SLC2A1: variants seen among roughly 807,000 people sequenced by gnomAD.
The protein encoded by SLC2A1 is solute carrier family 2 member 1.
Under a neutral mutation model 46.6 loss-of-function variants are expected in SLC2A1, and 4 were observed. The ratio of observed to expected loss-of-function variants is 0.09; its 90% CI spans 0.04 to 0.20. The LOEUF is 0.20. SLC2A1 is among the 10% of genes least tolerant of loss of function. SLC2A1 has a pLI of 1.00. For missense variants in SLC2A1, 352 were observed against 667.0 expected, an observed-to-expected ratio of 0.53 and a Z score of 5.20; for synonymous variants, 253 against 270.0, an observed-to-expected ratio of 0.94 and a Z score of 0.62.
In SLC2A1 at chr1:42,948,937, G is replaced by A. The variant is rs184856747; in HGVS notation, c.19-5616C>T. ...AAAAAAATTAGCCCGGCATGGTGGCGCATGCCTGTAGTCCCAGCTACTCGG... is the reference window on the plus strand; with the variant it reads ...AAAAAAATTAGCCCGGCATGGTGGCACATGCCTGTAGTCCCAGCTACTCGG... On this transcript the variant is annotated intron_variant, in intron 1 of 9. Transcript: ENST00000426263. Among the ~76,000 whole-genome samples, 1,012 of 152,184 alleles carry A rather than the reference G, an allele frequency of 6.6e-3. 11 individuals carry two copies. Among genetic ancestry groups the A allele is most frequent in the African/African-American group, 0.023 (975 of 41,522 alleles).
chr1:42,933,369 CT>C (rs1451954414), intron 2 of SLC2A1, among the ~76,000 whole-genome samples: 1 of 152,150 alleles, frequency 6.6e-6, no homozygotes, highest in Non-Finnish European at 1.5e-5. Flanking sequence ...GAAGGTACCC[CT>C]GGCCTTATTG....
chr1:42,948,037 G>A (rs1643677314), intron 1 of SLC2A1, among the ~76,000 whole-genome samples: 1 of 152,190 alleles, frequency 6.6e-6, no homozygotes, highest in Non-Finnish European at 1.5e-5. Context: ...TCTCCTAGGA[G>A]AGTCATGGCC....
chr1:42,930,337 C>T lies in SLC2A1; in HGVS notation c.516+289G>A, dbSNP rs1643475202. On this transcript the variant is annotated intron_variant, in intron 4 of 9. Transcript: ENST00000426263. The surrounding 1 kb of genome is among the most constrained non-coding windows in gnomAD (Gnocchi z 6.2). ...TTTGGGGACAGGGAAGGGGAAGCCT[C>T]CTGGAGAGAGGGTACTGTGCATAAC... The T allele has an allele frequency of 1.6e-6, 1 of 636,412 alleles. No individual in the cohort carries two copies. Among genetic ancestry groups the T allele is most frequent in the East Asian group, 2.8e-5 (1 of 36,020 alleles). The allele number at this position is 636,412 out of a possible 1,614,324, so 39.4% of individuals were successfully genotyped here.
chr1:42,926,790 A>C lies in SLC2A1; in HGVS notation c.*251T>G. The C allele has an allele frequency of 6.8e-7, 1 of 1,478,076 alleles. No homozygotes were observed. The highest frequency in any genetic ancestry group is 8.9e-7 in the Non-Finnish European group (1 of 1,118,404). 91.6% of individuals were successfully genotyped at this position (1,478,076 alleles called of 1,614,324 possible). Reference sequence around the variant, plus strand: ...ACTCAGGCTGATATAAAAATAACAAAATCAGTAATAAAAAAATTATAAAAC... The same window carrying C: ...ACTCAGGCTGATATAAAAATAACAACATCAGTAATAAAAAAATTATAAAAC... On this transcript the variant is annotated 3_prime_UTR_variant, in exon 10 of 10. Coordinates refer to ENST00000426263, the MANE Select transcript of SLC2A1 (RefSeq NM_006516.4).
At position 42,956,588 on chromosome 1, in the gene SLC2A1, AAAAT is replaced by A. The variant is rs978475619; in HGVS notation, c.18+2042_18+2045del. On this transcript the variant is annotated intron_variant, in intron 1 of 9. Transcript: ENST00000426263. Reference sequence around the variant, plus strand: ...CAACAAAAGCGAAACTCCGTCTCAAAAAATAAATAAATAAAAATAAAAAAATAAA... The same window carrying A: ...CAACAAAAGCGAAACTCCGTCTCAAAAAATAAATAAAAATAAAAAAATAAA... Among the ~76,000 whole-genome samples the A allele has an allele frequency of 3.9e-5, 6 of 152,202 alleles. No individual in the cohort carries two copies. The South Asian group carries it at 8.3e-4, about 21-fold the overall frequency.
At chr1:42,935,882 G>C (rs990847108) in intron 2 of SLC2A1, among the ~76,000 whole-genome samples, 1 of 152,202 alleles carries the variant, frequency 6.6e-6, no homozygotes, top group Non-Finnish European at 1.5e-5. Context: ...TATGTAAAAG[G>C]CTAGCTAGAA....
At chr1:42,935,050 CTT>C (rs1399646504) in intron 2 of SLC2A1, among the ~76,000 whole-genome samples, 1 of 152,198 alleles carries the variant, frequency 6.6e-6, no homozygotes, top group Non-Finnish European at 1.5e-5. Flanking sequence ...AGCCCAGTCT[CTT>C]CACCCAGCTG....
Position 42,929,818 on chromosome 1 carries a change from TG to T in SLC2A1, c.680-39del, listed in dbSNP as rs755925194. On this transcript the variant is annotated intron_variant, in intron 5 of 9. Coordinates refer to ENST00000426263, the MANE Select transcript of SLC2A1 (RefSeq NM_006516.4). This position sits in a 1 kb window ranked among gnomAD's most constrained non-coding sequence, Gnocchi z 6.0. ...GAGGGAAGGTGAGGGTGGCTCAGAG[TG>T]GGAAGAAGGCCAGGGCTCAGGGAGT... is the stretch of plus-strand genomic sequence containing the variant. 3.6e-5 allele frequency: 58 copies of T among 1,613,468 alleles called. No individual in the cohort carries two copies. Among genetic ancestry groups the T allele is most frequent in the Non-Finnish European group, 4.8e-5 (57 of 1,179,862 alleles).
Position 42,931,338 on chromosome 1 carries a change from G to T in SLC2A1, c.115-132C>A, listed in dbSNP as rs1030161791. ...TGCCACAGATTCACTGCATGTTCTTGAGCCAAGTCCCTCTATTTTTGTGGG... is the reference window on the plus strand; with the variant it reads ...TGCCACAGATTCACTGCATGTTCTTTAGCCAAGTCCCTCTATTTTTGTGGG... On this transcript the variant is annotated intron_variant, in intron 2 of 9. Transcript: ENST00000426263. The T allele has an allele frequency of 1.1e-5, 10 of 889,942 alleles. No individual in the cohort carries two copies. In the African/African-American group the frequency reaches 1.7e-4, roughly 15 times the overall value. The allele number at this position is 889,942 out of a possible 1,614,324, so 55.1% of individuals were successfully genotyped here. A position where few individuals can be genotyped will look rare whatever the true frequency, so the allele number is the denominator to read the frequency against.
chr1:42,956,572 C>T (rs1019092353), intron 1 of SLC2A1, among the ~76,000 whole-genome samples: 3 of 151,768 alleles, frequency 2.0e-5, no homozygotes, highest in East Asian at 3.9e-4. Flanking sequence ...GCAACAAAAG[C>T]GAAACTCCGT....
chr1:42,942,990 T>C, intron 2 of SLC2A1: 1 of 590,178 alleles, frequency 1.7e-6, no homozygotes, highest in South Asian at 2.0e-5. Context: ...CAAGAGGGCC[T>C]ATACAAGACC....
chr1:42,930,376 T>C lies in SLC2A1; in HGVS notation c.516+250A>G, dbSNP rs536736379. The C allele has an allele frequency of 5.2e-4, 353 of 682,790 alleles. 2 individuals carry two copies. In the African/African-American group the frequency reaches 5.3e-3, roughly 10 times the overall value. 42.3% of individuals were successfully genotyped at this position (682,790 alleles called of 1,614,324 possible). On this transcript the variant is annotated intron_variant, in intron 4 of 9. Coordinates refer to ENST00000426263, the MANE Select transcript of SLC2A1 (RefSeq NM_006516.4). The surrounding 1 kb of genome is among the most constrained non-coding windows in gnomAD (Gnocchi z 6.2). ...ACTGTGCATAACAGCCTGCGGCATG[T>C]TGGGGGAAGGCGGGCCCTGTGGTTG...
chr1:42,934,022 C>G lies in SLC2A1; in HGVS notation c.115-2816G>C, dbSNP rs188827417. On this transcript the variant is annotated intron_variant, in intron 2 of 9. Transcript: ENST00000426263. ...TCTCCACACCTCTTTTGAAATTTGC[C>G]AAGAAGTCAGCAAATGGAATTTGTT... Among the ~76,000 whole-genome samples the G allele has an allele frequency of 5.6e-3, 860 of 152,232 alleles. 4 individuals carry two copies. Among genetic ancestry groups the G allele is most frequent in the Non-Finnish European group, 7.7e-3 (522 of 68,022 alleles).
At chr1:42,931,354 T>G in intron 2 of SLC2A1, 148 bp from the exon 3 acceptor site, 1 of 802,256 alleles carries the variant, frequency 1.2e-6, no homozygotes, top group Non-Finnish European at 1.9e-6. Flanking sequence ...AGTCCCTCTA[T>G]TTTTGTGGGC....
intron 1 of SLC2A1, among the ~76,000 whole-genome samples, chr1:42,949,834 G>A (rs987108628): frequency 6.6e-6 from 1 of 150,552 alleles, no homozygotes. Flanking sequence ...TAGGCTTCAG[G>A]GAAGTTTCCA....
intron 2 of SLC2A1, among the ~76,000 whole-genome samples, chr1:42,936,004 C>G (rs575350061): frequency 2.0e-5 from 3 of 152,300 alleles, no homozygotes; most frequent in African/African-American, 7.2e-5. Context: ...TGCACAAAAA[C>G]AGGCTGCTGG....
chr1:42,942,626 G>C (rs542598083), intron 2 of SLC2A1, among the ~76,000 whole-genome samples: 23 of 152,078 alleles, frequency 1.5e-4, no homozygotes, highest in African/African-American at 4.8e-4. Flanking sequence ...CCTTCAGGGA[G>C]AGGACGCGGT....
Position 42,929,084 on chromosome 1 carries a change from C to G in SLC2A1, c.973-51G>C. ...CACCCCTGCCTAGTGCCCTTCTGAACCCACCCACCCAGAGGCCTTGCCTCA... is the reference window on the plus strand; with the variant it reads ...CACCCCTGCCTAGTGCCCTTCTGAAGCCACCCACCCAGAGGCCTTGCCTCA... On this transcript the variant is annotated intron_variant, in intron 7 of 9. Coordinates refer to ENST00000426263, the MANE Select transcript of SLC2A1 (RefSeq NM_006516.4). This position sits in a 1 kb window ranked among gnomAD's most constrained non-coding sequence, Gnocchi z 6.0. The G allele has an allele frequency of 6.3e-7, 1 of 1,584,084 alleles. No individual in the cohort carries two copies. The highest frequency in any genetic ancestry group is 8.7e-7 in the Non-Finnish European group (1 of 1,153,892).
chr1:42,935,915 C>T (rs2124455349), intron 2 of SLC2A1, among the ~76,000 whole-genome samples: 2 of 152,318 alleles, frequency 1.3e-5, no homozygotes, highest in South Asian at 4.1e-4. Context: ...GGTCTGTGAG[C>T]CACATATGGC....
Sources: allele counts gnomAD v4.1 joint callset (sites outside exome capture counted in the v4.1 genomes callset), GRCh38; gene constraint gnomAD v4.1.1; non-coding constraint Gnocchi (gnomAD v3.1); transcripts MANE v1.5; gene names NCBI Gene and HGNC (gene_info 2026-07-23, HGNC 2026-07-21).